MEOX1: variants seen among roughly 807,000 people sequenced by gnomAD.
The protein encoded by MEOX1 is mesenchyme homeobox 1.
Under a neutral mutation model 23.2 loss-of-function variants are expected in MEOX1, and 17 were observed. The observed-to-expected ratio is 0.73, with a 90% confidence interval of 0.50 to 1.10. MEOX1 has a LOEUF of 1.10. Among genes scored for constraint, MEOX1 ranks in the 50% least tolerant of loss-of-function variants. The pLI, the probability that MEOX1 is intolerant of heterozygous loss-of-function variation, is 0.00. For synonymous variants in MEOX1, 134 were observed against 135.1 expected, an observed-to-expected ratio of 0.99 and a Z score of 0.06; for missense variants, 333 against 332.2, an observed-to-expected ratio of 1.00 and a Z score of -0.02.
At chr17:43,656,996 T>TTTTC (rs1181433539) in intron 1 of MEOX1, among the ~76,000 whole-genome samples, 3 of 128,388 alleles carry the variant, frequency 2.3e-5, no homozygotes, top group South Asian at 2.3e-4. Flanking sequence ...CTTTCTTTCT[T>TTTTC]TTTCTTTCTT....
rs1972685757 is a variant in MEOX1 at position 43,641,189 on chromosome 17, A to AC, written c.*720dup. 6.6e-6 allele frequency: 1 copy of AC among 152,042 alleles called. No homozygotes were observed. The allele number at this position is 152,042 out of a possible 1,614,324, so 9.4% of individuals were successfully genotyped here. On this transcript the variant is annotated 3_prime_UTR_variant, in exon 3 of 3. Coordinates refer to ENST00000318579, the MANE Select transcript of MEOX1 (RefSeq NM_004527.4). ...TGCTGTCATGGGTTCATTCTTGTCC[A>AC]CCCAGTCAAGCCTGTGTGGACGGGC...
At chr17:43,657,144 TTC>T (rs972243726) in intron 1 of MEOX1, among the ~76,000 whole-genome samples, 2 of 141,416 alleles carry the variant, frequency 1.4e-5, no homozygotes. Context: ...CTTTCTTCCT[TTC>T]TCTCTCTCTT....
chr17:43,657,340 ATTTT>A (rs34747408), intron 1 of MEOX1, among the ~76,000 whole-genome samples: 4 of 122,240 alleles, frequency 3.3e-5, no homozygotes, highest in Admixed American at 8.7e-5. Flanking sequence ...CACCTGGCTA[ATTTT>A]TTTTTTTTTT....
Position 43,641,931 on chromosome 17 carries a change from T to TG in MEOX1, c.743dup (p.Ala249SerfsTer15), listed in dbSNP as rs1972701728. On this transcript the variant is annotated frameshift_variant, in exon 3 of 3. Coordinates refer to ENST00000318579, the MANE Select transcript of MEOX1 (RefSeq NM_004527.4). LOFTEE classifies it high-confidence loss of function. ...AATCTCACTCTGAACTTGGAGAGGC[T>TG]GTGGAGTCCCCATCCTCAGGGTCCT... 5 of 1,613,892 alleles carry TG rather than the reference T, an allele frequency of 3.1e-6. No homozygotes were observed. Among genetic ancestry groups the TG allele is most frequent in the Non-Finnish European group, 4.2e-6 (5 of 1,179,894 alleles).
In MEOX1 at chr17:43,643,635, C is replaced by T. The variant is rs773733434; in HGVS notation, c.495G>A (p.Pro165=). The change falls in exon 2 of 3, where the codon CCG becomes CCA. Residue 165 remains proline, a synonymous_variant. Transcript: ENST00000318579. ...SSDNQENRGK[P]EGSSKARKER... is the part of the protein sequence containing the mutation. ...CCTTGCGGGCTTTGCTGCTGCCCTCCGGCTTCCCTCTGTTCTCCTGGTTGT... is the reference window on the plus strand; with the variant it reads ...CCTTGCGGGCTTTGCTGCTGCCCTCTGGCTTCCCTCTGTTCTCCTGGTTGT... The T allele has an allele frequency of 1.4e-5, 22 of 1,613,346 alleles. No individual in the cohort carries two copies. The highest frequency in any genetic ancestry group is 3.3e-5 in the Admixed American group (2 of 59,946).
intron 1 of MEOX1, among the ~76,000 whole-genome samples, chr17:43,657,345 T>A (rs1479987347): frequency 1.3e-5 from 2 of 149,464 alleles, no homozygotes; most frequent in Non-Finnish European, 3.0e-5. Context: ...GGCTAATTTT[T>A]TTTTTTTTTT....
intron 1 of MEOX1, among the ~76,000 whole-genome samples, chr17:43,657,690 C>A (rs896163878): frequency 3.3e-5 from 5 of 152,130 alleles, no homozygotes; most frequent in African/African-American, 1.2e-4. Flanking sequence ...ATAACCTCTC[C>A]GGCAGGTCTC....
intron 1 of MEOX1, among the ~76,000 whole-genome samples, chr17:43,657,170 CT>C (rs57432395): frequency 0.36 from 29,079 of 81,402 alleles, 3,892 homozygotes; most frequent in East Asian, 0.53. Context: ...TTCTTTCTTT[CT>C]TTTTTTTTTT....
intron 1 of MEOX1, among the ~76,000 whole-genome samples, chr17:43,651,046 C>A (rs140540782): frequency 2.4e-3 from 366 of 152,264 alleles, no homozygotes; most frequent in African/African-American, 8.5e-3. Flanking sequence ...TGGCTGGGCG[C>A]GGTGGCTCAC....
At chr17:43,647,262 A>G (rs1972830010) in intron 1 of MEOX1, among the ~76,000 whole-genome samples, 1 of 152,218 alleles carries the variant, frequency 6.6e-6, no homozygotes, top group Non-Finnish European at 1.5e-5. Context: ...GCATCTAGCC[A>G]TAGTTGCTTC....
rs1386753598 is a variant in MEOX1 at position 43,661,241 on chromosome 17, G to A, written c.294C>T (p.Val98=). ...AGTTGGGCCTGCGCCGGGCGTCTGAGACAGGGAAGTGCCAGTTGGGGGACT... is the reference window on the plus strand; with the variant it reads ...AGTTGGGCCTGCGCCGGGCGTCTGAAACAGGGAAGTGCCAGTTGGGGGACT... ...FPQSPNWHFP[V]SDARRRPNSG... Residue 98 remains valine (V), a synonymous_variant, in exon 1 of 3, where the codon GTC becomes GTT. Transcript: ENST00000318579. 1 of 1,610,034 alleles carries A rather than the reference G, an allele frequency of 6.2e-7. No individual in the cohort carries two copies. Among genetic ancestry groups the A allele is most frequent in the Admixed American group, 1.7e-5 (1 of 59,722 alleles).
At chr17:43,655,052 AAAAAAG>A (rs1290532317) in intron 1 of MEOX1, among the ~76,000 whole-genome samples, 3 of 151,926 alleles carry the variant, frequency 2.0e-5, no homozygotes, top group East Asian at 1.9e-4. Flanking sequence ...ACTCCGTCTC[AAAAAAG>A]AAAAAGAAAA....
At chr17:43,657,014 C>T (rs922720144) in intron 1 of MEOX1, among the ~76,000 whole-genome samples, 47 of 100,816 alleles carry the variant, frequency 4.7e-4, no homozygotes, top group African/African-American at 1.8e-3. Flanking sequence ...CTTTCTTTCT[C>T]TTTCTTTCTT....
At chr17:43,660,864 G>T (rs982509067) in intron 1 of MEOX1, among the ~76,000 whole-genome samples, 1 of 152,154 alleles carries the variant, frequency 6.6e-6, no homozygotes, top group Non-Finnish European at 1.5e-5. Flanking sequence ...GCCCAGGAGT[G>T]CTGGGACACA....
intron 1 of MEOX1, among the ~76,000 whole-genome samples, chr17:43,658,191 C>T (rs1477964301): frequency 6.6e-6 from 1 of 152,232 alleles, no homozygotes; most frequent in Non-Finnish European, 1.5e-5. Context: ...AATGCAAGGG[C>T]ATGCCCAACC....
In MEOX1 at chr17:43,643,552, T is replaced by A. The variant is rs149570783; in HGVS notation, c.578A>T (p.His193Leu). 1 of 1,611,506 alleles carries A rather than the reference T, an allele frequency of 6.2e-7. No homozygotes were observed. Among genetic ancestry groups the A allele is most frequent in the Non-Finnish European group, 8.5e-7 (1 of 1,179,126 alleles). The change falls in exon 2 of 3, where the codon CAT becomes CTT. Residue 193 changes from histidine (H) to leucine (L), a missense_variant. His to Leu is a moderately conservative substitution (Grantham distance 99). Transcript: ENST00000318579. ...TCTGCGGAGCCGAGTCAGGTAGTTA[T>A]GATGGGCAAACTCTGCCTCCAGCTC... ...LRELEAEFAH[H>L]NYLTRLRRYE...
At chr17:43,645,267 C>T (rs1280711504) in intron 1 of MEOX1, among the ~76,000 whole-genome samples, 2 of 150,416 alleles carry the variant, frequency 1.3e-5, no homozygotes, top group African/African-American at 4.9e-5. Flanking sequence ...AGCTCCGCCT[C>T]CCGGGTTCAC....
intron 1 of MEOX1, among the ~76,000 whole-genome samples, chr17:43,649,799 C>T (rs1227440145): frequency 6.6e-5 from 10 of 152,226 alleles, no homozygotes; most frequent in African/African-American, 2.2e-4. Context: ...TGCCCCACCC[C>T]AGCCCCTGCA....
At chr17:43,656,113 G>A (rs953945655) in intron 1 of MEOX1, among the ~76,000 whole-genome samples, 3 of 152,198 alleles carry the variant, frequency 2.0e-5, no homozygotes, top group Non-Finnish European at 2.9e-5. Context: ...ACAGATTCTA[G>A]CAGATACTAG....
Sources: gnomAD v4.1 joint callset for allele counts (sites outside exome capture counted in the v4.1 genomes callset) on GRCh38, gnomAD v4.1.1 for gene constraint, MANE v1.5 for transcripts, NCBI Gene and HGNC (gene_info 2026-07-23, HGNC 2026-07-21) for gene names.